LHFPL3: variants seen among roughly 807,000 people sequenced by gnomAD.
The protein encoded by LHFPL3 is LHFPL tetraspan subfamily member 3 protein.
Under a neutral mutation model 19.3 loss-of-function variants are expected in LHFPL3, and 5 were observed. The observed-to-expected ratio is 0.26, with a 90% CI of 0.14 to 0.54. LHFPL3 has a LOEUF of 0.54. Among genes scored for constraint, LHFPL3 ranks in the 20% least tolerant of loss-of-function variants. The pLI is 0.94. For synonymous variants in LHFPL3, 133 were observed against 126.2 expected, an observed-to-expected ratio of 1.05 and a Z score of -0.36; for missense variants, 249 against 307.4, an observed-to-expected ratio of 0.81 and a Z score of 1.42.
At chr7:104,845,421 C>T (rs1358125578) in intron 2 of LHFPL3, 1 of 1,535,776 alleles carries the variant, frequency 6.5e-7, no homozygotes, top group Non-Finnish European at 8.7e-7. Context: ...TAGTGTGAGA[C>T]CACACCATGT....
chr7:104,893,648 A>T (rs559095192), intron 2 of LHFPL3, among the ~76,000 whole-genome samples: 1 of 152,248 alleles, frequency 6.6e-6, no homozygotes, highest in East Asian at 1.9e-4. Context: ...ATTTACAAAC[A>T]TTTATTAAAT....
chr7:104,801,363 G>T (rs2116475615), intron 2 of LHFPL3, among the ~76,000 whole-genome samples: 1 of 152,280 alleles, frequency 6.6e-6, no homozygotes, highest in Non-Finnish European at 1.5e-5. Flanking sequence ...GGTGATGACA[G>T]ATAAGCTTTG....
chr7:104,856,385 G>A (rs898052377), intron 2 of LHFPL3, among the ~76,000 whole-genome samples: 7 of 151,632 alleles, frequency 4.6e-5, no homozygotes, highest in African/African-American at 1.5e-4. Context: ...GAGTAGCCGG[G>A]ATTACAGGCA....
chr7:104,651,370 C>T (rs1162359684), intron 1 of LHFPL3, among the ~76,000 whole-genome samples: 1 of 152,254 alleles, frequency 6.6e-6, no homozygotes, highest in African/African-American at 2.4e-5. Flanking sequence ...GCATCGTAAG[C>T]TGTGTGAACC....
chr7:104,711,285 G>C (rs746766453), intron 1 of LHFPL3, among the ~76,000 whole-genome samples: 3 of 152,210 alleles, frequency 2.0e-5, no homozygotes, highest in Non-Finnish European at 4.4e-5. Context: ...CTGCAATTTA[G>C]ATGCTTGCTG....
chr7:104,722,830 C>G (rs376567385), intron 1 of LHFPL3, among the ~76,000 whole-genome samples: 19 of 152,254 alleles, frequency 1.2e-4, no homozygotes, highest in South Asian at 1.2e-3. Context: ...CCAAGTTCCC[C>G]TTGAGTGCTT....
chr7:104,560,790 A>G (rs1789977463), intron 1 of LHFPL3, among the ~76,000 whole-genome samples: 1 of 145,312 alleles, frequency 6.9e-6, no homozygotes, highest in Admixed American at 6.8e-5. Flanking sequence ...TCAATTTTGG[A>G]TCTTTCCTGC....
Position 104,455,677 on chromosome 7 carries a change from T to A in LHFPL3, c.445+126453T>A, listed in dbSNP as rs1309117620. On this transcript the variant is annotated intron_variant, in intron 1 of 2. Coordinates refer to ENST00000424859, the MANE Select transcript of LHFPL3 (RefSeq NM_199000.3). ...TTGAGGTTGCAGTGAGCCAAGATCA[T>A]GCCACTGTACTCCCACTTGAGCAAA... 2.6e-5 allele frequency among the ~76,000 whole-genome samples: 4 copies of A among 152,184 alleles called. No individual in the cohort carries two copies. The East Asian group carries it at 7.7e-4, about 29-fold the overall frequency.
chr7:104,377,807 G>C (rs1300309931), intron 1 of LHFPL3, among the ~76,000 whole-genome samples: 1 of 152,144 alleles, frequency 6.6e-6, no homozygotes, highest in Non-Finnish European at 1.5e-5. Flanking sequence ...AATGAATAAT[G>C]CATCCTAAAT....
chr7:104,476,047 T>G (rs1341811976), intron 1 of LHFPL3, among the ~76,000 whole-genome samples: 1 of 152,188 alleles, frequency 6.6e-6, no homozygotes, highest in East Asian at 1.9e-4. Context: ...TTAGAGAAAC[T>G]GGAGTAGTAA....
At position 104,907,231 on chromosome 7, in the gene LHFPL3, CAT is replaced by C. The variant is rs1046925758; in HGVS notation, c.*1017_*1018del. ...TCTATTTCCCTTACTGATGGGCACT[CAT>C]TTTTATTTTTTTAAAAATCATTCCA... On this transcript the variant is annotated 3_prime_UTR_variant, in exon 3 of 3. Coordinates refer to ENST00000424859, the MANE Select transcript of LHFPL3 (RefSeq NM_199000.3). 3.3e-5 allele frequency: 5 copies of C among 152,424 alleles called. No homozygotes were observed. The highest frequency in any genetic ancestry group is 1.2e-4 in the African/African-American group (5 of 41,394). The allele number at this position is 152,424 out of a possible 1,614,324, so 9.4% of individuals were successfully genotyped here.
intron 2 of LHFPL3, among the ~76,000 whole-genome samples, chr7:104,873,346 A>G (rs543915924): frequency 1.3e-5 from 2 of 152,348 alleles, no homozygotes; most frequent in South Asian, 4.1e-4. Flanking sequence ...ATTTTAAAAG[A>G]TAAACAGTAG....
At chr7:104,468,622 G>T (rs1428433073) in intron 1 of LHFPL3, among the ~76,000 whole-genome samples, 1 of 151,182 alleles carries the variant, frequency 6.6e-6, no homozygotes, top group African/African-American at 2.4e-5. Context: ...CATGGAGAAT[G>T]ACAAATTTCC....
At chr7:104,607,364 A>G (rs1427390884) in intron 1 of LHFPL3, among the ~76,000 whole-genome samples, 1 of 152,236 alleles carries the variant, frequency 6.6e-6, no homozygotes, top group African/African-American at 2.4e-5. Flanking sequence ...ACAAGTGTGC[A>G]GTTTCATTTT....
intron 2 of LHFPL3, among the ~76,000 whole-genome samples, chr7:104,883,091 A>T (rs770737630): frequency 6.6e-6 from 1 of 152,240 alleles, no homozygotes; most frequent in African/African-American, 2.4e-5. Flanking sequence ...CTCTATGATG[A>T]TCCAATTTAT....
intron 1 of LHFPL3, among the ~76,000 whole-genome samples, chr7:104,480,674 T>C (rs1008216623): frequency 5.9e-5 from 9 of 152,150 alleles, no homozygotes; most frequent in African/African-American, 1.9e-4. Context: ...AAATAACAAA[T>C]TGTGGAACAT....
chr7:104,732,346 T>A (rs1250022648), intron 1 of LHFPL3, among the ~76,000 whole-genome samples: 1 of 152,198 alleles, frequency 6.6e-6, no homozygotes, highest in Admixed American at 6.5e-5. Flanking sequence ...TGTGAATCCA[T>A]CTGATCCTGG....
intron 1 of LHFPL3, among the ~76,000 whole-genome samples, chr7:104,376,665 T>A: frequency 6.6e-6 from 1 of 152,140 alleles, no homozygotes; most frequent in East Asian, 1.9e-4. Flanking sequence ...ACTCCTTGGG[T>A]GGACATCAAG....
chr7:104,612,016 CTTCAAGATTG>C, intron 1 of LHFPL3, among the ~76,000 whole-genome samples: 1 of 152,110 alleles, frequency 6.6e-6, no homozygotes, highest in Admixed American at 6.6e-5. Context: ...CTTCAAGATT[CTTCAAGATTG>C]AATTGGTTGA....
Sources: allele counts gnomAD v4.1 joint callset (sites outside exome capture counted in the v4.1 genomes callset), GRCh38; gene constraint gnomAD v4.1.1; transcripts MANE v1.5; gene names NCBI Gene and HGNC (gene_info 2026-07-23, HGNC 2026-07-21).